Variants in IL6ST observed in about 807,000 individuals in gnomAD.
The protein encoded by IL6ST is interleukin-6 receptor subunit beta.
A neutral mutation model predicts 91.3 loss-of-function variants in IL6ST; 24 were observed. The ratio of observed to expected loss-of-function variants is 0.26; its 90% CI spans 0.19 to 0.37. The LOEUF (loss-of-function observed/expected upper bound fraction) is 0.37. IL6ST is among the 10% of genes least tolerant of loss of function. The probability of loss-of-function intolerance (pLI) is 1.00; values close to 1 mark genes in which losing one functional copy is unlikely to be tolerated. For synonymous variants in IL6ST, 351 were observed against 373.6 expected, an observed-to-expected ratio of 0.94 and a Z score of 0.70; for missense variants, 914 against 1,078.5, an observed-to-expected ratio of 0.85 and a Z score of 2.14.
intron 16 of IL6ST, among the ~76,000 whole-genome samples, 175 bp downstream of exon 16, chr5:55,942,495 T>G (rs557817558): frequency 6.6e-6 from 1 of 152,342 alleles, no homozygotes; most frequent in East Asian, 1.9e-4. Flanking sequence ...TATTAAATTT[T>G]GATTAAAATT....
intron 5 of IL6ST, among the ~76,000 whole-genome samples, chr5:55,967,591 T>G (rs1365981799): frequency 6.6e-6 from 1 of 151,916 alleles, no homozygotes; most frequent in African/African-American, 2.4e-5. Flanking sequence ...CAGTGGTATG[T>G]TGTTATGCTT....
rs141185876 is a variant in IL6ST at position 55,940,018 on chromosome 5, T to A, written c.*1064A>T. The stretch of plus-strand genomic sequence containing the variant: ...TAAAAAAATTTAAATCTTTGCCTAC[T>A]TATTTAAAAATAAAAAAAATACTCA... On this transcript the variant is annotated 3_prime_UTR_variant, in exon 17 of 17. Transcript: ENST00000381298. 714 of 188,368 alleles carry A rather than the reference T, an allele frequency of 3.8e-3. 4 individuals carry two copies. The highest frequency in any genetic ancestry group is 0.017 in the African/African-American group (661 of 37,942). 11.7% of individuals were successfully genotyped at this position (188,368 alleles called of 1,614,324 possible).
intron 8 of IL6ST, among the ~76,000 whole-genome samples, chr5:55,959,908 C>T (rs1003489587): frequency 5.3e-5 from 8 of 149,962 alleles, no homozygotes; most frequent in African/African-American, 1.7e-4. Flanking sequence ...TTTTTTGAGA[C>T]GGAGTCTCGT....
At chr5:55,972,574 A>G (rs889227359) in intron 3 of IL6ST, among the ~76,000 whole-genome samples, 15 of 152,214 alleles carry the variant, frequency 9.9e-5, no homozygotes, top group Non-Finnish European at 1.9e-4. Flanking sequence ...ATACCATCCC[A>G]TGTCAAATTA....
chr5:55,980,410 C>T (rs879569585), intron 2 of IL6ST, among the ~76,000 whole-genome samples: 46 of 151,990 alleles, frequency 3.0e-4, no homozygotes, highest in East Asian at 9.6e-4. Flanking sequence ...AGTAGCTGGG[C>T]GTGGTGGTGG....
chr5:55,984,532 G>A (rs1005990577), intron 1 of IL6ST, among the ~76,000 whole-genome samples: 1 of 152,154 alleles, frequency 6.6e-6, no homozygotes, highest in Admixed American at 6.5e-5. Context: ...TCTCAACGAC[G>A]ATGGCTACCA....
At chr5:55,981,304 A>C (rs1050477951) in intron 2 of IL6ST, among the ~76,000 whole-genome samples, 1 of 152,206 alleles carries the variant, frequency 6.6e-6, no homozygotes, top group African/African-American at 2.4e-5. Context: ...ACTATATAAA[A>C]TATTATATGC....
At chr5:55,955,360 T>G (rs999803881) in intron 10 of IL6ST, among the ~76,000 whole-genome samples, 2 of 152,104 alleles carry the variant, frequency 1.3e-5, no homozygotes, top group Non-Finnish European at 2.9e-5. Context: ...GGGAGGCTGG[T>G]GCACAAGAAT....
Position 55,952,150 on chromosome 5 carries a change from T to G in IL6ST, c.1553-75A>C, listed in dbSNP as rs28763918. ...TAAAATTTCCTTGTCATAAAATCAT[T>G]TGAACATAATGAGATACATCTTTAT... On this transcript the variant is annotated intron_variant, in intron 12 of 16. Transcript: ENST00000381298. 1,891 of 1,509,166 alleles carry G rather than the reference T, an allele frequency of 1.3e-3. 37 individuals are homozygous for G. In the East Asian group the frequency reaches 0.035, roughly 28 times the overall value. The allele number at this position is 1,509,166 out of a possible 1,614,324, so 93.5% of individuals were successfully genotyped here. A position where few individuals can be genotyped will look rare whatever the true frequency, so the allele number is the denominator to read the frequency against.
intron 3 of IL6ST, among the ~76,000 whole-genome samples, chr5:55,974,245 T>TA (rs1753138923): frequency 6.6e-6 from 1 of 152,226 alleles, no homozygotes; most frequent in African/African-American, 2.4e-5. Flanking sequence ...ATAACCTTTA[T>TA]AATAAATATG....
chr5:55,957,304 CAT>C lies in IL6ST; in HGVS notation c.974-15_974-14del, dbSNP rs772741005. The C allele has an allele frequency of 1.5e-6, 2 of 1,290,618 alleles. No individual in the cohort carries two copies. Among genetic ancestry groups the C allele is most frequent in the Admixed American group, 2.3e-5 (1 of 43,432 alleles). The allele number at this position is 1,290,618 out of a possible 1,614,324, so 79.9% of individuals were successfully genotyped here. ...GCTTTAGATGGTCCTAAAGAAAAGA[CAT>C]AAACTCCTTAAAATAAAAAGGTTTT... On this transcript the variant is annotated splice_polypyrimidine_tract_variant and intron_variant, in intron 8 of 16. Coordinates refer to ENST00000381298, the MANE Select transcript of IL6ST (RefSeq NM_002184.4).
intron 1 of IL6ST, among the ~76,000 whole-genome samples, chr5:55,993,216 CT>C (rs1317203107): frequency 1.3e-5 from 2 of 152,176 alleles, no homozygotes; most frequent in Admixed American, 6.5e-5. Context: ...ATGGGTTGCC[CT>C]TAAGTTCCCA....
chr5:55,970,068 TG>T (rs1365037670), intron 3 of IL6ST, among the ~76,000 whole-genome samples: 1 of 152,212 alleles, frequency 6.6e-6, no homozygotes, highest in Non-Finnish European at 1.5e-5. Context: ...ATAATAGAGC[TG>T]AATTAAGAAA....
In IL6ST at chr5:55,947,633, A is replaced by G. The variant is rs764760623; in HGVS notation, c.1841-44T>C. The G allele has an allele frequency of 2.2e-5, 25 of 1,161,550 alleles. No individual in the cohort carries two copies. In the African/African-American group the frequency reaches 3.8e-4, roughly 18 times the overall value. The allele number at this position is 1,161,550 out of a possible 1,614,324, so 72.0% of individuals were successfully genotyped here. A position where few individuals can be genotyped will look rare whatever the true frequency, so the allele number is the denominator to read the frequency against. On this transcript the variant is annotated intron_variant, in intron 14 of 16. Coordinates refer to ENST00000381298, the MANE Select transcript of IL6ST (RefSeq NM_002184.4). The stretch of plus-strand genomic sequence containing the variant: ...AAAAAAAAAAGAGGTGTGATGGGAA[A>G]TAATGTTGACATATGAACTAAGAAG...
At chr5:55,962,463 G>A (rs1281183305) in intron 7 of IL6ST, among the ~76,000 whole-genome samples, 1 of 151,930 alleles carries the variant, frequency 6.6e-6, no homozygotes, top group African/African-American at 2.4e-5. Context: ...ATCATCTTTG[G>A]GTATACTATC....
intron 7 of IL6ST, 115 bp downstream of exon 7, chr5:55,963,237 A>G (rs1299446672): frequency 3.1e-5 from 23 of 731,916 alleles, no homozygotes; most frequent in Non-Finnish European, 4.7e-5. Flanking sequence ...GAGGTTATCA[A>G]GCAAAATATT....
Position 55,940,152 on chromosome 5 carries a change from T to TAC in IL6ST, c.*928_*929dup, listed in dbSNP as rs200800032. ...GTGTGTGTATATATATATATATATA[T>TAC]ACACACATTAGCAATTTAAGCCTTT... On this transcript the variant is annotated 3_prime_UTR_variant, in exon 17 of 17. Transcript: ENST00000381298. 4.5e-5 allele frequency: 9 copies of TAC among 200,304 alleles called. 1 individual carries two copies. The highest frequency in any genetic ancestry group is 3.6e-4 in the Admixed American group (6 of 16,652). 12.4% of individuals were successfully genotyped at this position (200,304 alleles called of 1,614,324 possible).
At chr5:55,971,153 A>G (rs1220561302) in intron 3 of IL6ST, among the ~76,000 whole-genome samples, 1 of 152,068 alleles carries the variant, frequency 6.6e-6, no homozygotes, top group East Asian at 1.9e-4. Flanking sequence ...CAAACTTATT[A>G]TTTTTTATTC....
At chr5:55,946,514 C>T (rs1751259463) in intron 15 of IL6ST, among the ~76,000 whole-genome samples, 1 of 152,060 alleles carries the variant, frequency 6.6e-6, no homozygotes, top group Non-Finnish European at 1.5e-5. Flanking sequence ...TACTGTTCAG[C>T]AATAAAAAGG....
Sources: gnomAD v4.1 joint callset for allele counts (sites outside exome capture counted in the v4.1 genomes callset) on GRCh38, gnomAD v4.1.1 for gene constraint, MANE v1.5 for transcripts, NCBI Gene and HGNC (gene_info 2026-07-23, HGNC 2026-07-21) for gene names.